PNPLA2: variants seen among roughly 807,000 people sequenced by gnomAD.
The protein encoded by PNPLA2 is patatin like domain 2, triacylglycerol lipase.
In PNPLA2, 28 loss-of-function variants were observed where a neutral mutation model predicts 39.7. The ratio of observed to expected loss-of-function variants is 0.70; its 90% CI spans 0.52 to 0.97. The LOEUF is 0.97. PNPLA2 is among the 50% of genes least tolerant of loss of function. The pLI, the probability that PNPLA2 is intolerant of heterozygous loss-of-function variation, is 0.00. For synonymous variants in PNPLA2, 392 were observed against 321.1 expected (o/e 1.22, Z -2.36); for missense variants, 768 against 698.2 (o/e 1.10, Z -1.13).
intron 6 of PNPLA2, 38 bp from the exon 7 acceptor site, chr11:823,656 G>T (rs376799004): frequency 1.4e-5 from 23 of 1,602,174 alleles, no homozygotes; most frequent in Non-Finnish European, 2.0e-5. Context: ...CCGCGGCCGC[G>T]CTGATGAACT....
intron 2 of PNPLA2, 161 bp from the exon 3 acceptor site, chr11:821,467 C>T: frequency 1.5e-6 from 1 of 664,696 alleles, no homozygotes; most frequent in Non-Finnish European, 2.7e-6. Flanking sequence ...TCTGCCATCC[C>T]AGGGGAGGTG....
chr11:824,499 C>T (rs901162781), intron 9 of PNPLA2, 24 bp from the exon 10 acceptor site: 33 of 1,544,672 alleles, frequency 2.1e-5, no homozygotes, highest in Non-Finnish European at 2.7e-5. Context: ...CTGAAGCCCT[C>T]CCTGCCGCAT....
chr11:824,285 C>G, intron 8 of PNPLA2, 29 bp from the exon 9 acceptor site: 1 of 1,549,698 alleles, frequency 6.5e-7, no homozygotes, highest in Non-Finnish European at 8.7e-7. Context: ...TGGCCAAGTC[C>G]CTGAACGCGC....
chr11:819,520 GC>G (rs1187049607), intron 1 of PNPLA2, 53 bp from the exon 2 acceptor site: 9 of 1,257,652 alleles, frequency 7.2e-6, no homozygotes. Context: ...TGCCGGCCCC[GC>G]CCCCGCCGTG....
chr11:824,847 G>A lies in PNPLA2; in HGVS notation c.1500G>A (p.Gly500=), dbSNP rs1590181344. The change falls in exon 10 of 10, where the codon GGG becomes GGA. Residue 500 remains glycine, a synonymous_variant. Transcript: ENST00000336615. ...TPAPEARPVI[G]ALGL ...CTCCCGAGGCCCGGCCCGTGATCGG[G>A]GCCCTGGGGCTGTGAGACCCCGACC... 1 of 1,534,600 alleles carries A rather than the reference G, an allele frequency of 6.5e-7. No homozygotes were observed. The highest frequency in any genetic ancestry group is 2.4e-5 in the East Asian group (1 of 40,864).
At position 825,131 on chromosome 11, in the gene PNPLA2, C is replaced by T. The variant is rs1480352839; in HGVS notation, c.*269C>T. 5.4e-6 allele frequency: 3 copies of T among 560,176 alleles called. No homozygotes were observed. The highest frequency in any genetic ancestry group is 9.5e-6 in the Non-Finnish European group (3 of 317,006). The allele number at this position is 560,176 out of a possible 1,614,324, so 34.7% of individuals were successfully genotyped here. A position where few individuals can be genotyped will look rare whatever the true frequency, so the allele number is the denominator to read the frequency against. ...CCTGAGAACTTTGCAGCTGCCCTTCCCTCCCCGTTTTTCATGGCCTGCTGA... is the reference window on the plus strand; with the variant it reads ...CCTGAGAACTTTGCAGCTGCCCTTCTCTCCCCGTTTTTCATGGCCTGCTGA... On this transcript the variant is annotated 3_prime_UTR_variant, in exon 10 of 10. Coordinates refer to ENST00000336615, the MANE Select transcript of PNPLA2 (RefSeq NM_020376.4).
At chr11:822,211 C>G (rs908385815) in intron 4 of PNPLA2, 186 bp from the exon 5 acceptor site, 4 of 760,604 alleles carry the variant, frequency 5.3e-6, no homozygotes, top group African/African-American at 3.4e-5. Context: ...TCCTCCGTCC[C>G]TGCCCTCCCC....
rs370529626 is a variant in PNPLA2 at position 821,731 on chromosome 11, C to T, written c.291C>T (p.Phe97=). 137 of 1,613,916 alleles carry T rather than the reference C, an allele frequency of 8.5e-5. No homozygotes were observed. Among genetic ancestry groups the T allele is most frequent in the Non-Finnish European group, 1.1e-4 (128 of 1,180,038 alleles). The change falls in exon 3 of 10, where the codon TTC becomes TTT. Residue 97 remains phenylalanine, a synonymous_variant. Transcript: ENST00000336615. ...ACCTGGTAAAGATCATCCGCAGTTT[C>T]CTGCTGAAGGTCCTGCCTGCTGATA... ...SFNLVKIIRS[F]LLKVLPADSH...
In PNPLA2 at chr11:821,765, C is replaced by T. The variant is rs1487100906; in HGVS notation, c.325C>T (p.His109Tyr). 4 of 1,613,956 alleles carry T rather than the reference C, an allele frequency of 2.5e-6. No individual in the cohort carries two copies. The highest frequency in any genetic ancestry group is 3.4e-6 in the Non-Finnish European group (4 of 1,180,002). Residue 109 changes from histidine (H) to tyrosine (Y), a missense_variant, in exon 3 of 10, where the codon CAT becomes TAT. Coordinates refer to ENST00000336615, the MANE Select transcript of PNPLA2 (RefSeq NM_020376.4). ...LKVLPADSHE[H>Y]ASGRLGISLT... ...GGTCCTGCCTGCTGATAGCCATGAG[C>T]ATGCCAGTGGGCGCCTGGGCATCTC...
In PNPLA2 at chr11:823,897, G is replaced by A. The variant is rs561997027; in HGVS notation, c.919+42G>A. 2.8e-4 allele frequency: 433 copies of A among 1,556,166 alleles called. 1 individual carries two copies. The African/African-American group carries it at 4.9e-3, about 18-fold the overall frequency. The stretch of plus-strand genomic sequence containing the variant: ...CGGGAGGGGAGGAGGGGAGGCAGGA[G>A]GGAAAGAGAGAGAGGAGAGGACGGT... On this transcript the variant is annotated intron_variant, in intron 7 of 9. Transcript: ENST00000336615.
chr11:822,447 G>A lies in PNPLA2; in HGVS notation c.537G>A (p.Lys179=). Residue 179 remains lysine, a synonymous_variant, in exon 5 of 10, where the codon AAG becomes AAA. Transcript: ENST00000336615. ...ACAACCTGCCACTCTATGAGCTTAAGAACACCATCACAGTGTCCCCCTTCT... is the reference window on the plus strand; with the variant it reads ...ACAACCTGCCACTCTATGAGCTTAAAAACACCATCACAGTGTCCCCCTTCT... The part of the protein sequence containing the change: ...ISDNLPLYEL[K]NTITVSPFSG... The A allele has an allele frequency of 6.2e-7, 1 of 1,614,128 alleles. No homozygotes were observed. Among genetic ancestry groups the A allele is most frequent in the Non-Finnish European group, 8.5e-7 (1 of 1,180,022 alleles).
Position 821,694 on chromosome 11 carries a change from A to T in PNPLA2, c.254A>T (p.His85Leu), listed in dbSNP as rs753679606. Residue 85 changes from histidine to leucine, a missense_variant, in exon 3 of 10, where the codon CAC (histidine) becomes CTC (leucine). Physicochemically the swap from His to Leu is moderately conservative, Grantham distance 99 (BLOSUM62 -3). Coordinates refer to ENST00000336615, the MANE Select transcript of PNPLA2 (RefSeq NM_020376.4). The part of the protein sequence containing the change: ...EARKRFLGPL[H>L]PSFNLVKIIR... ...CGGAAGCGGTTCCTGGGCCCCCTGC[A>T]CCCCTCCTTCAACCTGGTAAAGATC... 1 of 1,613,356 alleles carries T rather than the reference A, an allele frequency of 6.2e-7. No individual in the cohort carries two copies. Among genetic ancestry groups the T allele is most frequent in the South Asian group, 1.1e-5 (1 of 91,040 alleles).
Position 825,550 on chromosome 11 carries a change from A to C in PNPLA2, c.*688A>C, listed in dbSNP as rs1423858331. On this transcript the variant is annotated 3_prime_UTR_variant, in exon 10 of 10. Transcript: ENST00000336615. The stretch of plus-strand genomic sequence containing the variant: ...TATTTGGGACCAAGATTCTTGGTAA[A>C]TAAAAACGAAAATGTTTGCAAAAGG... 1 of 152,416 alleles carries C rather than the reference A, an allele frequency of 6.6e-6. No individual in the cohort carries two copies. Among genetic ancestry groups the C allele is most frequent in the African/African-American group, 2.4e-5 (1 of 41,448 alleles). 9.4% of individuals were successfully genotyped at this position (152,416 alleles called of 1,614,324 possible). A position where few individuals can be genotyped will look rare whatever the true frequency, so the allele number is the denominator to read the frequency against.
At chr11:824,152 G>A in intron 8 of PNPLA2, 22 bp downstream of exon 8, 1 of 1,583,676 alleles carries the variant, frequency 6.3e-7, no homozygotes, top group East Asian at 2.3e-5. Flanking sequence ...GGGGGGTCGG[G>A]AGAGGGGCCC....
chr11:819,488 C>T, intron 1 of PNPLA2, 86 bp from the exon 2 acceptor site: 2 of 1,229,674 alleles, frequency 1.6e-6, no homozygotes, highest in Non-Finnish European at 2.0e-6. Context: ...CCGTTCCCTG[C>T]GCGCCCCGAT....
intron 5 of PNPLA2, among the ~76,000 whole-genome samples, chr11:823,275 T>A (rs1443094905): frequency 6.6e-6 from 1 of 152,122 alleles, no homozygotes; most frequent in Non-Finnish European, 1.5e-5. Flanking sequence ...GCCAGGATGG[T>A]CTTGATCTCC....
chr11:825,130 C>T lies in PNPLA2; in HGVS notation c.*268C>T, dbSNP rs1175500977. The T allele has an allele frequency of 7.1e-6, 4 of 559,778 alleles. No individual in the cohort carries two copies. The highest frequency in any genetic ancestry group is 1.3e-5 in the Non-Finnish European group (4 of 316,928). 34.7% of individuals were successfully genotyped at this position (559,778 alleles called of 1,614,324 possible). A position where few individuals can be genotyped will look rare whatever the true frequency, so the allele number is the denominator to read the frequency against. ...TCCTGAGAACTTTGCAGCTGCCCTTCCCTCCCCGTTTTTCATGGCCTGCTG... is the reference window on the plus strand; with the variant it reads ...TCCTGAGAACTTTGCAGCTGCCCTTTCCTCCCCGTTTTTCATGGCCTGCTG... On this transcript the variant is annotated 3_prime_UTR_variant, in exon 10 of 10. Coordinates refer to ENST00000336615, the MANE Select transcript of PNPLA2 (RefSeq NM_020376.4).
rs1565088398 is a variant in PNPLA2, at chr11:823,598, C to CCGGG, written c.757+16_757+19dup. 1.2e-6 allele frequency: 2 copies of CCGGG among 1,609,060 alleles called. No homozygotes were observed. The highest frequency in any genetic ancestry group is 8.5e-7 in the Non-Finnish European group (1 of 1,178,152). On this transcript the variant is annotated intron_variant, in intron 6 of 9. Coordinates refer to ENST00000336615, the MANE Select transcript of PNPLA2 (RefSeq NM_020376.4). Reference sequence around the variant, plus strand: ...TTCTGCAGCGGAACGGTGCGCGGACCCGGGCGGGAGAGGGCGGGGTGGGCT... The same window carrying CCGGG: ...TTCTGCAGCGGAACGGTGCGCGGACCCGGGCGGGCGGGAGAGGGCGGGGTGGGCT...
Position 821,812 on chromosome 11 carries a change from C to T in PNPLA2, c.372C>T (p.Gly124=), listed in dbSNP as rs140052906. The change falls in exon 3 of 10, where the codon GGC becomes GGT. Residue 124 remains glycine, a synonymous_variant. Transcript: ENST00000336615. ...TCTCCCTGACCCGCGTGTCAGACGG[C>T]GAGAATGTCATTATATCCCACTTCA... ...LGISLTRVSD[G]ENVIISHFNS... The T allele has an allele frequency of 1.1e-5, 17 of 1,613,918 alleles. No homozygotes were observed. In the African/African-American group the frequency reaches 1.3e-4, roughly 13 times the overall value.
Sources: allele counts gnomAD v4.1 joint callset (sites outside exome capture counted in the v4.1 genomes callset), GRCh38; gene constraint gnomAD v4.1.1; transcripts MANE v1.5; gene names NCBI Gene and HGNC (gene_info 2026-07-23, HGNC 2026-07-21).